The following MAP2 variants were observed in gnomAD, a reference collection of about 807,000 sequenced individuals.
The protein encoded by MAP2 is microtubule-associated protein 2.
MAP2 carries 14 observed loss-of-function variants against 137.6 expected under a neutral mutation model. The observed-to-expected ratio is 0.10, with a 90% CI of 0.07 to 0.16. The LOEUF (loss-of-function observed/expected upper bound fraction) is 0.16, where lower values mean the gene tolerates loss of function less well. Among genes scored for constraint, MAP2 ranks in the 10% least tolerant of loss-of-function variants. The pLI is 1.00. For missense variants in MAP2, 2,088 were observed against 2,191.5 expected (o/e 0.95, Z 0.94); for synonymous variants, 786 against 782.3 (o/e 1.00, Z -0.08).
intron 3 of MAP2, among the ~76,000 whole-genome samples, chr2:209,604,474 T>C (rs1225207314): frequency 3.3e-5 from 5 of 152,122 alleles, no homozygotes; most frequent in African/African-American, 1.2e-4. Flanking sequence ...GTGATACATT[T>C]GTTCTCTAAT....
chr2:209,458,931 G>A (rs1273705234), intron 1 of MAP2, among the ~76,000 whole-genome samples: 1 of 152,080 alleles, frequency 6.6e-6, no homozygotes, highest in African/African-American at 2.4e-5. Flanking sequence ...GGGCTGTTGG[G>A]GAGATCGCAT....
intron 1 of MAP2, among the ~76,000 whole-genome samples, chr2:209,424,802 T>C (rs1692088749): frequency 6.6e-6 from 1 of 152,142 alleles, no homozygotes; most frequent in African/African-American, 2.4e-5. Flanking sequence ...AGGACTGATA[T>C]TTATAATTGT....
chr2:209,595,069 TGG>T (rs2080879859), intron 3 of MAP2, among the ~76,000 whole-genome samples: 1 of 152,124 alleles, frequency 6.6e-6, no homozygotes, highest in Non-Finnish European at 1.5e-5. Flanking sequence ...AATTATATGG[TGG>T]TAGCAGTATT....
intron 13 of MAP2, among the ~76,000 whole-genome samples, chr2:209,717,112 C>G (rs1265318215): frequency 6.6e-6 from 1 of 152,168 alleles, no homozygotes; most frequent in Non-Finnish European, 1.5e-5. Context: ...CTGTATTAGT[C>G]TGTTCTCACA....
intron 3 of MAP2, among the ~76,000 whole-genome samples, chr2:209,624,847 A>G (rs1303507195): frequency 1.3e-5 from 2 of 152,280 alleles, no homozygotes; most frequent in East Asian, 3.9e-4. Flanking sequence ...TAGCATTTTC[A>G]CTTTTCTATT....
At chr2:209,570,480 C>A (rs962406787) in intron 2 of MAP2, among the ~76,000 whole-genome samples, 1 of 151,832 alleles carries the variant, frequency 6.6e-6, no homozygotes, top group Non-Finnish European at 1.5e-5. Flanking sequence ...ATAATGTACT[C>A]AAAAAGACTG....
In MAP2 at chr2:209,508,390, A is replaced by G. The variant is rs16842993; in HGVS notation, c.-172+749A>G. Among the ~76,000 whole-genome samples, 28 of 152,198 alleles carry G rather than the reference A, an allele frequency of 1.8e-4. 1 individual carries two copies. The East Asian group carries it at 3.1e-3, about 17-fold the overall frequency. ...TATAGGCTTTTGATTAATAATTAAC[A>G]TAAAGGAAAACATTGGCTTTTCATT... On this transcript the variant is annotated intron_variant, in intron 2 of 15. Coordinates refer to ENST00000682079, the MANE Select transcript of MAP2 (RefSeq NM_001375505.1).
chr2:209,523,063 G>T (rs996594265), intron 2 of MAP2, among the ~76,000 whole-genome samples: 1 of 152,038 alleles, frequency 6.6e-6, no homozygotes, highest in African/African-American at 2.4e-5. Context: ...TCAGTAAATG[G>T]TTCTTCAGCC....
intron 2 of MAP2, among the ~76,000 whole-genome samples, chr2:209,531,842 C>T (rs2065156182): frequency 6.6e-6 from 1 of 152,152 alleles, no homozygotes; most frequent in Admixed American, 6.5e-5. Flanking sequence ...CAATCTTAGA[C>T]TCCTAAGGGA....
intron 3 of MAP2, among the ~76,000 whole-genome samples, chr2:209,597,449 C>T (rs887898949): frequency 2.0e-5 from 3 of 152,164 alleles, no homozygotes; most frequent in Admixed American, 6.5e-5. Context: ...TTTATGCTCA[C>T]GTGAACTATG....
intron 3 of MAP2, among the ~76,000 whole-genome samples, chr2:209,622,455 C>A (rs1363916495): frequency 6.6e-6 from 1 of 152,094 alleles, no homozygotes; most frequent in African/African-American, 2.4e-5. Context: ...CCTGTTTTCT[C>A]ATTTGTAAAG....
intron 4 of MAP2, among the ~76,000 whole-genome samples, chr2:209,626,357 G>A (rs1000886479): frequency 3.9e-5 from 6 of 152,148 alleles, no homozygotes; most frequent in Non-Finnish European, 8.8e-5. Context: ...GGAGGTTGCA[G>A]TGGCTGAGAT....
intron 3 of MAP2, among the ~76,000 whole-genome samples, chr2:209,616,352 A>G (rs1055809973): frequency 2.0e-5 from 3 of 152,236 alleles, no homozygotes; most frequent in Admixed American, 2.0e-4. Flanking sequence ...CACAGCCAGT[A>G]AGTGTTCAAG....
chr2:209,593,634 A>T lies in MAP2; in HGVS notation c.-107+13534A>T, dbSNP rs867326027. Among the ~76,000 whole-genome samples the T allele has an allele frequency of 1.4e-3, 47 of 33,628 alleles. 2 individuals are homozygous for T. The highest frequency in any genetic ancestry group is 5.8e-3 in the East Asian group (4 of 690). 22.1% of individuals were successfully genotyped at this position (33,628 alleles called of 152,430 possible). ...CCTGTCTCTACAAAAAAAAAAAAAA[A>T]ATATATATATATATATATATATATA... On this transcript the variant is annotated intron_variant, in intron 3 of 15. Coordinates refer to ENST00000682079, the MANE Select transcript of MAP2 (RefSeq NM_001375505.1).
intron 1 of MAP2, among the ~76,000 whole-genome samples, chr2:209,500,564 C>T (rs2060252800): frequency 6.6e-6 from 1 of 152,124 alleles, no homozygotes; most frequent in Non-Finnish European, 1.5e-5. Context: ...TCCCAAAAGC[C>T]CTGTTAGTAT....
At chr2:209,453,875 G>T (rs1205766186) in intron 1 of MAP2, among the ~76,000 whole-genome samples, 1 of 152,064 alleles carries the variant, frequency 6.6e-6, no homozygotes, top group Non-Finnish European at 1.5e-5. Context: ...GGACAGGCCG[G>T]GTGTCGTGGC....
At chr2:209,525,174 A>G (rs2063840202) in intron 2 of MAP2, among the ~76,000 whole-genome samples, 1 of 152,182 alleles carries the variant, frequency 6.6e-6, no homozygotes, top group Non-Finnish European at 1.5e-5. Flanking sequence ...GTTGTCAAAC[A>G]TTTTGGAAAT....
At chr2:209,464,599 ATGAT>A (rs1703674828) in intron 1 of MAP2, among the ~76,000 whole-genome samples, 2 of 152,098 alleles carry the variant, frequency 1.3e-5, no homozygotes, top group Non-Finnish European at 2.9e-5. Flanking sequence ...TAAACTATAC[ATGAT>A]TGATTGATTC....
At chr2:209,428,208 T>C (rs954762850) in intron 1 of MAP2, among the ~76,000 whole-genome samples, 1 of 152,206 alleles carries the variant, frequency 6.6e-6, no homozygotes, top group Non-Finnish European at 1.5e-5. Flanking sequence ...ATGGTAGTAC[T>C]TTAACTGTAA....
Sources: allele counts gnomAD v4.1 joint callset (sites outside exome capture counted in the v4.1 genomes callset), GRCh38; gene constraint gnomAD v4.1.1; transcripts MANE v1.5; gene names NCBI Gene and HGNC (gene_info 2026-07-23, HGNC 2026-07-21).